SESN2: variants seen among roughly 807,000 people sequenced by gnomAD.
SESN2 encodes sestrin-2.
In SESN2, 42 loss-of-function variants were observed where a neutral mutation model predicts 56.0. That is an observed-to-expected ratio of 0.75 (90% CI 0.59 to 0.97). The LOEUF is 0.97. Among genes scored for constraint, SESN2 ranks in the 50% least tolerant of loss-of-function variants. The pLI, the probability that SESN2 is intolerant of heterozygous loss-of-function variation, is 0.00. For missense variants in SESN2, 507 were observed against 649.4 expected, an observed-to-expected ratio of 0.78 and a Z score of 2.38; for synonymous variants, 264 against 267.1, an observed-to-expected ratio of 0.99 and a Z score of 0.11.
intron 1 of SESN2, among the ~76,000 whole-genome samples, chr1:28,260,785 C>T (rs1392354522): frequency 1.3e-5 from 2 of 151,432 alleles, no homozygotes; most frequent in Non-Finnish European, 2.9e-5. Flanking sequence ...CCTAACCAGA[C>T]TGACAGTTCG....
intron 2 of SESN2, among the ~76,000 whole-genome samples, chr1:28,270,406 G>A (rs575814882): frequency 1.5e-4 from 22 of 150,192 alleles, no homozygotes; most frequent in Middle Eastern, 3.6e-3. Flanking sequence ...TGTGTAGGGC[G>A]AGTGGTTAAG....
chr1:28,265,402 G>T (rs560789059), intron 1 of SESN2, among the ~76,000 whole-genome samples: 1 of 152,134 alleles, frequency 6.6e-6, no homozygotes, highest in South Asian at 2.1e-4. Context: ...GTGTGTGTTT[G>T]TTTGTTTTGA....
At chr1:28,259,982 C>T in intron 1 of SESN2, 45 bp downstream of exon 1, 1 of 1,403,836 alleles carries the variant, frequency 7.1e-7, no homozygotes, top group Non-Finnish European at 9.6e-7. Context: ...GAACCCCGAA[C>T]CGCGTCTGAG....
intron 8 of SESN2, among the ~76,000 whole-genome samples, chr1:28,276,621 C>G (rs2149040259): frequency 8.8e-6 from 1 of 113,638 alleles, no homozygotes; most frequent in Admixed American, 1.1e-4. Flanking sequence ...ATCTTGTTGC[C>G]TAGGCTGGAG....
rs1391083626 is a variant in SESN2 at position 28,271,727 on chromosome 1, G to A, written c.210G>A (p.Leu70=). The A allele has an allele frequency of 6.2e-7, 1 of 1,614,100 alleles. No individual in the cohort carries two copies. The highest frequency in any genetic ancestry group is 1.3e-5 in the African/African-American group (1 of 74,924). The stretch of plus-strand genomic sequence containing the variant: ...AGCAGCACCTGGGGCTGGAGGCACT[G>A]ATGTCCTCTGGGCGAGTAGACAACC... The part of the protein sequence containing the change: ...SLEQHLGLEA[L]MSSGRVDNLA... The change falls in exon 3 of 10, where the codon CTG becomes CTA. Residue 70 remains leucine (L), a synonymous_variant. Transcript: ENST00000253063.
chr1:28,270,421 TAACA>T (rs1435842352), intron 2 of SESN2, among the ~76,000 whole-genome samples: 1 of 152,108 alleles, frequency 6.6e-6, no homozygotes, highest in African/African-American at 2.4e-5. Context: ...GTTAAGGAGC[TAACA>T]AACATTTACC....
chr1:28,260,129 C>A (rs570018029), intron 1 of SESN2, among the ~76,000 whole-genome samples, 192 bp downstream of exon 1: 59 of 148,966 alleles, frequency 4.0e-4, no homozygotes, highest in African/African-American at 1.4e-3. Flanking sequence ...TCCCCTCTCC[C>A]TCCTTCTCCC....
At chr1:28,266,395 A>G (rs946723418) in intron 1 of SESN2, among the ~76,000 whole-genome samples, 1 of 152,254 alleles carries the variant, frequency 6.6e-6, no homozygotes, top group South Asian at 2.1e-4. Flanking sequence ...GTATTGAGGT[A>G]AGCTACACAG....
intron 8 of SESN2, among the ~76,000 whole-genome samples, chr1:28,275,832 T>C (rs374783255): frequency 1.3e-5 from 2 of 151,974 alleles, no homozygotes; most frequent in South Asian, 4.1e-4. Flanking sequence ...TGTGAAAAGA[T>C]TGCTTGAGAC....
At chr1:28,270,072 C>A (rs1010353185) in intron 2 of SESN2, among the ~76,000 whole-genome samples, 1 of 152,186 alleles carries the variant, frequency 6.6e-6, no homozygotes, top group Non-Finnish European at 1.5e-5. Flanking sequence ...TTTTGTTTTG[C>A]CGGCCGCAGT....
In SESN2 at chr1:28,273,375, C is replaced by T. The variant is rs137969225; in HGVS notation, c.768C>T (p.Arg256=). ...LNNSGGFESA[R]DVEALMERMQ... is the part of the protein sequence containing the mutation. ...TCCTGCAGGGCTTTGAGTCTGCCCG[C>T]GACGTGGAGGCGCTGATGGAGCGCA... The change falls in exon 6 of 10, where the codon CGC becomes CGT. Residue 256 remains arginine, a synonymous_variant. Coordinates refer to ENST00000253063, the MANE Select transcript of SESN2 (RefSeq NM_031459.5). 1.1e-5 allele frequency: 18 copies of T among 1,600,666 alleles called. No homozygotes were observed. The African/African-American group carries it at 1.3e-4, about 12-fold the overall frequency.
rs769937470 is a variant in SESN2 at position 28,272,777 on chromosome 1, C to T, written c.734C>T (p.Pro245Leu). The change falls in exon 5 of 10, where the codon CCG becomes CTG. Residue 245 changes from proline (P) to leucine (L), a missense_variant. Physicochemically the swap from Pro to Leu is moderately conservative, Grantham distance 98. Transcript: ENST00000253063. ...SEQSSPPSRD[P>L]LNNSGGFESA... ...CAGAGCAGCCCCCCAAGCAGGGACC[C>T]GTTGAACAACTCTGGGGTAAGTCAC... is the stretch of plus-strand genomic sequence containing the variant. 6 of 1,596,656 alleles carry T rather than the reference C, an allele frequency of 3.8e-6. No individual in the cohort carries two copies. Among genetic ancestry groups the T allele is most frequent in the African/African-American group, 2.7e-5 (2 of 74,686 alleles).
In SESN2 at chr1:28,259,926, G is replaced by A. The variant is rs2149034515; in HGVS notation, c.79G>A (p.Gly27Ser). Reference sequence around the variant, plus strand: ...CGCCCCGGGCGGCGTCGGCGACTCGGGCCCCGGAGAGGTAAGCGGCGGCCG... The same window carrying A: ...CGCCCCGGGCGGCGTCGGCGACTCGAGCCCCGGAGAGGTAAGCGGCGGCCG... ...RFAPGGVGDS[G>S]PGEEQRESRA... is the part of the protein sequence containing the mutation. The change falls in exon 1 of 10, where the codon GGC (glycine) becomes AGC (serine). Residue 27 changes from glycine to serine, a missense_variant. Physicochemically the swap from Gly to Ser is moderately conservative, Grantham distance 56 (BLOSUM62 0). Coordinates refer to ENST00000253063, the MANE Select transcript of SESN2 (RefSeq NM_031459.5). The A allele has an allele frequency of 4.0e-6, 6 of 1,492,694 alleles. No individual in the cohort carries two copies. In the East Asian group the frequency reaches 1.7e-4, roughly 42 times the overall value. The allele number at this position is 1,492,694 out of a possible 1,614,324, so 92.5% of individuals were successfully genotyped here.
intron 1 of SESN2, among the ~76,000 whole-genome samples, chr1:28,260,306 C>G (rs1050090383): frequency 6.6e-6 from 1 of 152,108 alleles, no homozygotes. Flanking sequence ...AGGCAAATCC[C>G]GGCCGGAGCG....
chr1:28,275,983 G>GA (rs1648024430), intron 8 of SESN2, among the ~76,000 whole-genome samples: 1 of 151,818 alleles, frequency 6.6e-6, no homozygotes, highest in Non-Finnish European at 1.5e-5. Flanking sequence ...CCATATCTAT[G>GA]AAAAATAACA....
rs765200801 is a variant in SESN2 at position 28,272,470 on chromosome 1, C to T, written c.537+4C>T. On this transcript the variant is annotated splice_donor_region_variant and intron_variant, in intron 4 of 9. Transcript: ENST00000253063. Reference sequence around the variant, plus strand: ...CATCACCAAGGAACACATCCAGGTGCAGGGGGCAGAGAGGCGGGTGTCTGA... The same window carrying T: ...CATCACCAAGGAACACATCCAGGTGTAGGGGGCAGAGAGGCGGGTGTCTGA... The T allele has an allele frequency of 6.8e-6, 11 of 1,612,428 alleles. No homozygotes were observed. The African/African-American group carries it at 1.3e-4, about 20-fold the overall frequency.
At chr1:28,266,778 G>A (rs186909345) in intron 1 of SESN2, among the ~76,000 whole-genome samples, 9 of 152,150 alleles carry the variant, frequency 5.9e-5, no homozygotes, top group Admixed American at 3.9e-4. Flanking sequence ...GGCTGGTCTC[G>A]AATTCCTGGC....
chr1:28,259,925 G>A lies in SESN2; in HGVS notation c.78G>A (p.Ser26=), dbSNP rs1279013227. 2 of 1,485,632 alleles carry A rather than the reference G, an allele frequency of 1.3e-6. No individual in the cohort carries two copies. Among genetic ancestry groups the A allele is most frequent in the Non-Finnish European group, 1.8e-6 (2 of 1,123,688 alleles). The allele number at this position is 1,485,632 out of a possible 1,614,324, so 92.0% of individuals were successfully genotyped here. A position where few individuals can be genotyped will look rare whatever the true frequency, so the allele number is the denominator to read the frequency against. Residue 26 remains serine (S), a synonymous_variant, in exon 1 of 10, where the codon TCG becomes TCA. Coordinates refer to ENST00000253063, the MANE Select transcript of SESN2 (RefSeq NM_031459.5). ...LRFAPGGVGD[S]GPGEEQRESR... ...TCGCCCCGGGCGGCGTCGGCGACTC[G>A]GGCCCCGGAGAGGTAAGCGGCGGCC...
chr1:28,260,407 C>T (rs1029953147), intron 1 of SESN2, among the ~76,000 whole-genome samples: 4 of 152,122 alleles, frequency 2.6e-5, no homozygotes, highest in African/African-American at 9.7e-5. Flanking sequence ...GGGGTGCCTC[C>T]CGGCTCCTGT....
Sources: gnomAD v4.1 joint callset for allele counts (sites outside exome capture counted in the v4.1 genomes callset) on GRCh38, gnomAD v4.1.1 for gene constraint, MANE v1.5 for transcripts, NCBI Gene and HGNC (gene_info 2026-07-23, HGNC 2026-07-21) for gene names.